Variants in SLC45A4 observed in about 807,000 individuals in gnomAD.
SLC45A4 encodes the protein polyamine-transporter SLC45A4.
SLC45A4 carries 32 observed loss-of-function variants against 63.7 expected under a neutral mutation model. The ratio of observed to expected loss-of-function variants is 0.50; its 90% confidence interval spans 0.38 to 0.67. SLC45A4 has a LOEUF of 0.67. SLC45A4 is among the 30% of genes least tolerant of loss of function. The pLI, the probability that SLC45A4 is intolerant of heterozygous loss-of-function variation, is 0.00. For synonymous variants in SLC45A4, 535 were observed against 510.0 expected (o/e 1.05, Z -0.66); for missense variants, 1,027 against 1,157.7 (o/e 0.89, Z 1.64).
At chr8:141,252,830 A>C (rs1013330528) in intron 2 of SLC45A4, among the ~76,000 whole-genome samples, 1 of 132,432 alleles carries the variant, frequency 7.6e-6, no homozygotes, top group Non-Finnish European at 1.6e-5. Context: ...CGTGTCTGTG[A>C]ATTTCCGTGT....
intron 2 of SLC45A4, chr8:141,226,827 G>GAA (rs1827028550): frequency 6.6e-6 from 1 of 152,300 alleles, no homozygotes; most frequent in South Asian, 2.1e-4. Flanking sequence ...ACGGCCACGG[G>GAA]ACGCCTGCCG....
At chr8:141,250,019 G>A (rs1021424504) in intron 2 of SLC45A4, among the ~76,000 whole-genome samples, 2 of 152,202 alleles carry the variant, frequency 1.3e-5, no homozygotes, top group African/African-American at 4.8e-5. Context: ...TTCATCTGGT[G>A]AGGGTCAGTT....
intron 2 of SLC45A4, chr8:141,225,329 C>A (rs991327546): frequency 6.6e-6 from 1 of 152,232 alleles, no homozygotes; most frequent in African/African-American, 2.4e-5. Flanking sequence ...CCTAACTCCA[C>A]CCGAACTCTG....
At chr8:141,262,677 A>G (rs1262076304) in intron 1 of SLC45A4, among the ~76,000 whole-genome samples, 1 of 152,168 alleles carries the variant, frequency 6.6e-6, no homozygotes, top group African/African-American at 2.4e-5. Context: ...ACCATCTCAC[A>G]CCAGTTAGAA....
chr8:141,212,973 G>C (rs185624991), intron 7 of SLC45A4, among the ~76,000 whole-genome samples: 1 of 152,224 alleles, frequency 6.6e-6, no homozygotes, highest in Non-Finnish European at 1.5e-5. Context: ...AGGTGGCCAC[G>C]TGCAACAAAG....
At chr8:141,271,423 T>C (rs1385643763) in intron 1 of SLC45A4, among the ~76,000 whole-genome samples, 3 of 152,236 alleles carry the variant, frequency 2.0e-5, no homozygotes, top group Non-Finnish European at 4.4e-5. Flanking sequence ...TCCCAGGGCC[T>C]GTGGGGCAGG....
intron 2 of SLC45A4, chr8:141,228,399 C>CG: frequency 6.8e-7 from 1 of 1,464,824 alleles, no homozygotes; most frequent in Non-Finnish European, 9.0e-7. Context: ...CCAAGCAGGA[C>CG]GCTGGCGCTC....
At chr8:141,217,751 CCAGTAT>C (rs969663654) in intron 5 of SLC45A4, among the ~76,000 whole-genome samples, 1 of 152,208 alleles carries the variant, frequency 6.6e-6, no homozygotes, top group Non-Finnish European at 1.5e-5. Flanking sequence ...CCCGTTCACA[CCAGTAT>C]CAGCATTCAC....
intron 2 of SLC45A4, among the ~76,000 whole-genome samples, chr8:141,244,256 A>G (rs1250972764): frequency 1.3e-5 from 2 of 152,186 alleles, no homozygotes; most frequent in Non-Finnish European, 2.9e-5. Flanking sequence ...TGCCTCCTCC[A>G]AGCGAGCAGC....
At chr8:141,240,991 G>A (rs114882513) in intron 2 of SLC45A4, among the ~76,000 whole-genome samples, 1,997 of 152,324 alleles carry the variant, frequency 0.013, 59 homozygotes, top group African/African-American at 0.046. Context: ...GACTAACATC[G>A]GGGCCACTTC....
chr8:141,242,926 G>C (rs532341712), intron 2 of SLC45A4, among the ~76,000 whole-genome samples: 6 of 152,236 alleles, frequency 3.9e-5, no homozygotes, highest in Admixed American at 3.9e-4. Flanking sequence ...GAGGCGACGG[G>C]ATTTTCAAAC....
chr8:141,271,932 C>A (rs1563664178), intron 1 of SLC45A4, among the ~76,000 whole-genome samples: 1 of 152,138 alleles, frequency 6.6e-6, no homozygotes, highest in Non-Finnish European at 1.5e-5. Context: ...GCAACACACA[C>A]CTGCATTCAC....
At chr8:141,294,418 C>T (rs1242647770) in intron 1 of SLC45A4, among the ~76,000 whole-genome samples, 1 of 152,234 alleles carries the variant, frequency 6.6e-6, no homozygotes, top group Non-Finnish European at 1.5e-5. Flanking sequence ...TGACCCCAGC[C>T]CCCGCCTCAC....
At position 141,281,034 on chromosome 8, in the gene SLC45A4, C is replaced by A. The variant is rs371529680; in HGVS notation, c.-400-26405G>T. 9.2e-5 allele frequency among the ~76,000 whole-genome samples: 14 copies of A among 152,376 alleles called. No homozygotes were observed. In the East Asian group the frequency reaches 2.3e-3, roughly 25 times the overall value. On this transcript the variant is annotated intron_variant, in intron 1 of 8. Transcript: ENST00000517878. Reference sequence around the variant, plus strand: ...AGTTCCCCTGGTGCAGAAAAACAGACTTTAAAAGTCTGAATCAGTCTCAGC... The same window carrying A: ...AGTTCCCCTGGTGCAGAAAAACAGAATTTAAAAGTCTGAATCAGTCTCAGC...
intron 1 of SLC45A4, among the ~76,000 whole-genome samples, chr8:141,286,328 T>C (rs1447219105): frequency 6.6e-6 from 1 of 152,146 alleles, no homozygotes; most frequent in African/African-American, 2.4e-5. Context: ...CCACCCTGCG[T>C]GAGACATGGG....
intron 1 of SLC45A4, among the ~76,000 whole-genome samples, chr8:141,297,123 G>A (rs1469500090): frequency 6.6e-6 from 1 of 152,188 alleles, no homozygotes; most frequent in African/African-American, 2.4e-5. Flanking sequence ...TGAGGGCCTT[G>A]GGAGGAGGGT....
rs888190604 is a variant in SLC45A4 at position 141,254,250 on chromosome 8, T to G, written c.-21A>C. On this transcript the variant is annotated 5_prime_UTR_variant, in exon 2 of 9. Coordinates refer to ENST00000517878, the MANE Select transcript of SLC45A4 (RefSeq NM_001286646.2). The surrounding 1 kb of genome is among the most constrained non-coding windows in gnomAD (Gnocchi z 4.5). ...TTCATTACCACCAAAAATATATGTATTTATCTATATATTCTATCTATATAA... is the reference window on the plus strand; with the variant it reads ...TTCATTACCACCAAAAATATATGTAGTTATCTATATATTCTATCTATATAA... The G allele has an allele frequency of 2.0e-6, 3 of 1,514,204 alleles. No homozygotes were observed. In the African/African-American group the frequency reaches 4.2e-5, roughly 21 times the overall value. 93.8% of individuals were successfully genotyped at this position (1,514,204 alleles called of 1,614,324 possible). A position where few individuals can be genotyped will look rare whatever the true frequency, so the allele number is the denominator to read the frequency against.
intron 1 of SLC45A4, among the ~76,000 whole-genome samples, chr8:141,293,425 G>A (rs1830429290): frequency 6.6e-6 from 1 of 152,172 alleles, no homozygotes; most frequent in South Asian, 2.1e-4. Context: ...CTGCACTCCA[G>A]CCTGGGCAAC....
intron 2 of SLC45A4, among the ~76,000 whole-genome samples, chr8:141,233,980 T>C (rs932900124): frequency 1.3e-5 from 2 of 152,206 alleles, no homozygotes; most frequent in Admixed American, 1.3e-4. Flanking sequence ...ACTAGCTCTG[T>C]TGAGTGTCCG....
Sources: gnomAD v4.1 joint callset for allele counts (sites outside exome capture counted in the v4.1 genomes callset) on GRCh38, gnomAD v4.1.1 for gene constraint, Gnocchi (gnomAD v3.1) non-coding constraint, MANE v1.5 for transcripts, NCBI Gene and HGNC (gene_info 2026-07-23, HGNC 2026-07-21) for gene names.